Variants in ZBTB45 observed in about 807,000 individuals in gnomAD.
The protein encoded by ZBTB45 is zinc finger and BTB domain-containing protein 45.
In ZBTB45, 22 loss-of-function variants were observed where a neutral mutation model predicts 28.4. The observed-to-expected ratio is 0.77, with a 90% confidence interval of 0.55 to 1.10. ZBTB45 has a LOEUF of 1.10. Ranked by LOEUF, ZBTB45 falls within the 50% of genes least tolerant of loss-of-function variation. ZBTB45 has a pLI of 0.00. For missense variants in ZBTB45, 656 were observed against 750.2 expected, an observed-to-expected ratio of 0.87 and a Z score of 1.47; for synonymous variants, 361 against 332.3, an observed-to-expected ratio of 1.09 and a Z score of -0.94.
upstream of ZBTB45, among the ~76,000 whole-genome samples, chr19:58,522,639 AC>A (rs755205546): frequency 1.8e-4 from 28 of 152,268 alleles, no homozygotes; most frequent in Non-Finnish European, 3.4e-4. Context: ...CCGTCTCAGA[AC>A]AAAAAAACAA....
intron 1 of ZBTB45, among the ~76,000 whole-genome samples, chr19:58,530,529 C>T (rs2053630614): frequency 6.6e-6 from 1 of 151,812 alleles, no homozygotes; most frequent in Admixed American, 6.6e-5. Context: ...TGGTCTCAAA[C>T]TCCCGACCTC....
chr19:58,532,315 G>C (rs1267185865), intron 1 of ZBTB45, among the ~76,000 whole-genome samples: 2 of 152,166 alleles, frequency 1.3e-5, no homozygotes, highest in African/African-American at 4.8e-5. Flanking sequence ...CTTGAAATGG[G>C]GAGATTACCT....
At chr19:58,524,191 G>A (rs931088886), upstream of ZBTB45, among the ~76,000 whole-genome samples, 2 of 150,224 alleles carry the variant, frequency 1.3e-5, no homozygotes, top group African/African-American at 2.4e-5. Flanking sequence ...GCAAAACCCC[G>A]TCTCCACTAA....
chr19:58,524,573 G>C (rs910968462), upstream of ZBTB45, among the ~76,000 whole-genome samples: 4 of 150,922 alleles, frequency 2.7e-5, no homozygotes, highest in Admixed American at 2.6e-4. Context: ...AGGGCGATGT[G>C]GCCTGCAAAT....
upstream of ZBTB45, among the ~76,000 whole-genome samples, chr19:58,521,205 A>G (rs930335919): frequency 2.0e-5 from 3 of 149,468 alleles, no homozygotes; most frequent in African/African-American, 7.4e-5. Flanking sequence ...TCTACTAAAA[A>G]TACAAAAAAA....
In ZBTB45 at chr19:58,515,404, CCAGGCACCTGGCT is replaced by C. The variant is rs2053479664; in HGVS notation, c.1279+978_1279+990del. ...AGAGGGTACCCCAGAATAACCTGGC[CCAGGCACCTGGCT>C]CAGATCACACACTTCACACAGCCAG... On this transcript the variant is annotated intron_variant, in intron 2 of 2. Transcript: ENST00000594051. This position sits in a 1 kb window ranked among gnomAD's most constrained non-coding sequence, Gnocchi z 4.7. Among the ~76,000 whole-genome samples the C allele has an allele frequency of 6.6e-6, 1 of 152,086 alleles. No homozygotes were observed. The highest frequency in any genetic ancestry group is 1.5e-5 in the Non-Finnish European group (1 of 67,998).
intron 1 of ZBTB45, among the ~76,000 whole-genome samples, chr19:58,532,523 G>A (rs1423335650): frequency 6.6e-6 from 1 of 152,048 alleles, no homozygotes; most frequent in Non-Finnish European, 1.5e-5. Flanking sequence ...GGGGGAAGCT[G>A]GGGTGGAGCT....
At chr19:58,533,840 C>T (rs1419448125) in intron 1 of ZBTB45, among the ~76,000 whole-genome samples, 2 of 152,178 alleles carry the variant, frequency 1.3e-5, no homozygotes, top group African/African-American at 4.8e-5. Context: ...GTGTTAATAA[C>T]AGCCTGAGCA....
At position 58,514,174 on chromosome 19, in the gene ZBTB45, G is replaced by A. The variant is rs2053455887; in HGVS notation, c.1416C>T (p.Ser472=). 6.2e-7 allele frequency: 1 copy of A among 1,612,084 alleles called. No homozygotes were observed. The highest frequency in any genetic ancestry group is 8.5e-7 in the Non-Finnish European group (1 of 1,179,502). ...AVCAKRFTQK[S]SLNVHMRTHR... is the part of the protein sequence containing the mutation. Reference sequence around the variant, plus strand: ...GAGTGCGCATGTGCACGTTGAGCGAGCTCTTCTGCGTGAAGCGCTTGGCGC... The same window carrying A: ...GAGTGCGCATGTGCACGTTGAGCGAACTCTTCTGCGTGAAGCGCTTGGCGC... Residue 472 remains serine (S), a synonymous_variant, in exon 3 of 3, where the codon AGC becomes AGT. Transcript: ENST00000594051.
chr19:58,529,307 G>A (rs1394169679), intron 1 of ZBTB45, among the ~76,000 whole-genome samples: 2 of 152,148 alleles, frequency 1.3e-5, no homozygotes, highest in East Asian at 3.9e-4. Context: ...CAGGCATGAT[G>A]GCGTGTACCC....
chr19:58,518,579 A>T (rs1396291389), intron 1 of ZBTB45, among the ~76,000 whole-genome samples: 1 of 152,034 alleles, frequency 6.6e-6, no homozygotes. Flanking sequence ...CCATGGAGTA[A>T]TCGGGGACAC....
chr19:58,514,409 GCTCCC>G, intron 2 of ZBTB45, 99 bp from the exon 3 acceptor site: 1 of 1,387,936 alleles, frequency 7.2e-7, no homozygotes, highest in Non-Finnish European at 9.5e-7. Context: ...CCTAGCAGGG[GCTCCC>G]CTCCCCTCCC....
chr19:58,518,526 G>A (rs1183686522), intron 1 of ZBTB45, among the ~76,000 whole-genome samples: 2 of 152,152 alleles, frequency 1.3e-5, no homozygotes, highest in African/African-American at 2.4e-5. Context: ...GGCACAGAGA[G>A]GGGAAGTGTG....
At chr19:58,529,553 C>G (rs1393000440) in intron 1 of ZBTB45, among the ~76,000 whole-genome samples, 1 of 152,234 alleles carries the variant, frequency 6.6e-6, no homozygotes, top group South Asian at 2.1e-4. Flanking sequence ...TCTCCCCTCT[C>G]CTCAGTCCCT....
chr19:58,538,848 A>G (rs1458544126), exon 1 of ZBTB45: 2 of 152,098 alleles, frequency 1.3e-5, no homozygotes, highest in African/African-American at 4.8e-5. Context: ...GGGGCACCGC[A>G]CAGGGGGCTG....
chr19:58,533,807 C>T (rs577198337), intron 1 of ZBTB45, among the ~76,000 whole-genome samples: 39 of 152,304 alleles, frequency 2.6e-4, no homozygotes, highest in African/African-American at 9.4e-4. Flanking sequence ...AAGCCACATA[C>T]GGTATTGCCC....
At chr19:58,522,191 C>T (rs555401808), upstream of ZBTB45, among the ~76,000 whole-genome samples, 6 of 149,308 alleles carry the variant, frequency 4.0e-5, no homozygotes, top group South Asian at 6.4e-4. Flanking sequence ...GACAAAGTCT[C>T]GCTCTTGTCC....
upstream of ZBTB45, among the ~76,000 whole-genome samples, chr19:58,524,106 C>A (rs756308234): frequency 7.3e-6 from 1 of 137,106 alleles, no homozygotes; most frequent in Non-Finnish European, 1.5e-5. Flanking sequence ...GTGGCTTATG[C>A]CTGTCATCTC....
At chr19:58,538,327 G>T (rs370654950) in intron 1 of ZBTB45, among the ~76,000 whole-genome samples, 1 of 151,926 alleles carries the variant, frequency 6.6e-6, no homozygotes, top group Non-Finnish European at 1.5e-5. Context: ...ATCTCAACGC[G>T]TCAGCCTCTG....
Sources: allele counts gnomAD v4.1 joint callset (sites outside exome capture counted in the v4.1 genomes callset), GRCh38; gene constraint gnomAD v4.1.1; non-coding constraint Gnocchi (gnomAD v3.1); transcripts MANE v1.5; gene names NCBI Gene and HGNC (gene_info 2026-07-23, HGNC 2026-07-21).